Variants in PRKAR1B observed in about 807,000 individuals in gnomAD.
The protein encoded by PRKAR1B is protein kinase cAMP-dependent type I regulatory subunit beta.
Under a neutral mutation model 46.5 loss-of-function variants are expected in PRKAR1B, and 22 were observed. The observed-to-expected ratio is 0.47, with a 90% CI of 0.34 to 0.68. The LOEUF is 0.68. PRKAR1B is among the 30% of genes least tolerant of loss of function. The pLI is 0.01. For missense variants in PRKAR1B, 445 were observed against 535.6 expected (o/e 0.83, Z 1.67); for synonymous variants, 259 against 217.7 (o/e 1.19, Z -1.67).
chr7:589,248 G>A (rs1297679845), intron 7 of PRKAR1B, among the ~76,000 whole-genome samples: 2 of 151,642 alleles, frequency 1.3e-5, no homozygotes, highest in African/African-American at 4.9e-5. Context: ...CTCTGGCCTG[G>A]GCTCCTTCTC....
In PRKAR1B at chr7:561,604, G is replaced by A. The variant is rs1044601614; in HGVS notation, c.892-10134C>T. Among the ~76,000 whole-genome samples, 34 of 152,166 alleles carry A rather than the reference G, an allele frequency of 2.2e-4. 1 individual carries two copies. The highest frequency in any genetic ancestry group is 7.4e-5 in the Non-Finnish European group (5 of 68,022). ...AGCCACTTCCCCGCAATCATCCCCT[G>A]CCCGCTCCTCAGGCCCGGCTGGCCG... On this transcript the variant is annotated intron_variant, in intron 9 of 10. Coordinates refer to ENST00000537384, the MANE Select transcript of PRKAR1B (RefSeq NM_001164760.2).
chr7:580,249 A>G (rs1238335238), intron 8 of PRKAR1B, among the ~76,000 whole-genome samples: 2 of 150,994 alleles, frequency 1.3e-5, no homozygotes, highest in African/African-American at 4.9e-5. Context: ...AAAAAAAAGA[A>G]AAAAGAAAAA....
intron 4 of PRKAR1B, among the ~76,000 whole-genome samples, chr7:638,869 G>A (rs1784256068): frequency 6.6e-6 from 1 of 151,966 alleles, no homozygotes; most frequent in African/African-American, 2.4e-5. Flanking sequence ...TTGAGGTCAG[G>A]AGTTCGAGAC....
intron 4 of PRKAR1B, among the ~76,000 whole-genome samples, chr7:675,510 T>C (rs1356669007): frequency 6.6e-6 from 1 of 152,260 alleles, no homozygotes; most frequent in Admixed American, 6.5e-5. Flanking sequence ...TAAAGAATTA[T>C]AATTTGTCAA....
At chr7:715,390 G>A (rs1236364405) in intron 1 of PRKAR1B, among the ~76,000 whole-genome samples, 2 of 152,008 alleles carry the variant, frequency 1.3e-5, no homozygotes, top group African/African-American at 2.4e-5. Context: ...CTTGGTCATC[G>A]GACCACGTGG....
In PRKAR1B at chr7:684,802, T is replaced by C. The variant is rs146972214; in HGVS notation, c.178-4076A>G. The stretch of plus-strand genomic sequence containing the variant: ...GAGTAATACAATGAATCACCAAACG[T>C]CCATCACCCACCCTCAACCATTATC... On this transcript the variant is annotated intron_variant, in intron 2 of 10. Coordinates refer to ENST00000537384, the MANE Select transcript of PRKAR1B (RefSeq NM_001164760.2). Among the ~76,000 whole-genome samples, 532 of 151,970 alleles carry C rather than the reference T, an allele frequency of 3.5e-3. 6 individuals are homozygous for C. Among genetic ancestry groups the C allele is most frequent in the African/African-American group, 0.012 (515 of 41,416 alleles).
At chr7:678,611 C>T (rs1454392629) in intron 3 of PRKAR1B, among the ~76,000 whole-genome samples, 1 of 152,256 alleles carries the variant, frequency 6.6e-6, no homozygotes, top group East Asian at 1.9e-4. Context: ...TCATTCGGGC[C>T]ACAGTGAGAC....
At chr7:590,887 T>C (rs961201654) in intron 7 of PRKAR1B, among the ~76,000 whole-genome samples, 2 of 151,986 alleles carry the variant, frequency 1.3e-5, no homozygotes, top group East Asian at 3.9e-4. Context: ...CCCAGGCCCG[T>C]CGGCAGCAGA....
At chr7:687,318 A>G (rs537668803) in intron 2 of PRKAR1B, among the ~76,000 whole-genome samples, 3 of 152,370 alleles carry the variant, frequency 2.0e-5, no homozygotes, top group East Asian at 3.9e-4. Flanking sequence ...AATTATGCTC[A>G]GTATGTTCAA....
rs566789869 is a variant in PRKAR1B, at chr7:700,020, T to C, written c.177+11309A>G. On this transcript the variant is annotated intron_variant, in intron 2 of 10. Transcript: ENST00000537384. ...GCAGGGAGAGAAACAGGCATATCTG[T>C]GTGCCAGAGGTAGGATCTCTCTTGC... Among the ~76,000 whole-genome samples the C allele has an allele frequency of 3.3e-5, 5 of 152,206 alleles. No homozygotes were observed. The South Asian group carries it at 6.2e-4, about 19-fold the overall frequency.
In PRKAR1B at chr7:550,135, G is replaced by C. The variant is rs1292135643; in HGVS notation, c.*295C>G. ...ATCTCCAGGAGACTGGCAGGGGTGG[G>C]GTGGGCCCCCCAGGAGAAGCCCACA... is the stretch of plus-strand genomic sequence containing the variant. On this transcript the variant is annotated 3_prime_UTR_variant, in exon 11 of 11. Coordinates refer to ENST00000537384, the MANE Select transcript of PRKAR1B (RefSeq NM_001164760.2). 5.0e-6 allele frequency: 2 copies of C among 403,802 alleles called. No homozygotes were observed. The highest frequency in any genetic ancestry group is 5.7e-5 in the East Asian group (1 of 17,504). 25.0% of individuals were successfully genotyped at this position (403,802 alleles called of 1,614,324 possible).
At chr7:594,808 G>C (rs926055681) in intron 7 of PRKAR1B, among the ~76,000 whole-genome samples, 1 of 151,882 alleles carries the variant, frequency 6.6e-6, no homozygotes, top group Non-Finnish European at 1.5e-5. Context: ...GGGACCCCAA[G>C]ACCATGAGGG....
At chr7:680,496 A>T (rs1778608368) in intron 3 of PRKAR1B, 60 bp downstream of exon 3, 1 of 1,497,396 alleles carries the variant, frequency 6.7e-7, no homozygotes, top group Non-Finnish European at 8.9e-7. Flanking sequence ...CAGGGAGCTC[A>T]CAGGTGACAG....
intron 9 of PRKAR1B, among the ~76,000 whole-genome samples, chr7:573,925 G>A (rs377035161): frequency 4.6e-5 from 7 of 152,336 alleles, no homozygotes; most frequent in East Asian, 3.9e-4. Context: ...GAATCCCCCC[G>A]CCGGGGTGCG....
At chr7:699,972 C>A (rs905342180) in intron 2 of PRKAR1B, among the ~76,000 whole-genome samples, 1 of 152,072 alleles carries the variant, frequency 6.6e-6, no homozygotes, top group Non-Finnish European at 1.5e-5. Context: ...GAGGGGACAG[C>A]GGCGTGGGCG....
intron 4 of PRKAR1B, among the ~76,000 whole-genome samples, chr7:614,710 G>A (rs571029135): frequency 3.6e-4 from 55 of 152,242 alleles, no homozygotes; most frequent in African/African-American, 1.3e-3. Context: ...TCAGGAGTTC[G>A]AGACCAGCCT....
chr7:655,184 C>T (rs1250269627), intron 4 of PRKAR1B, among the ~76,000 whole-genome samples: 1 of 152,220 alleles, frequency 6.6e-6, no homozygotes, highest in Non-Finnish European at 1.5e-5. Flanking sequence ...AGCCGACATG[C>T]TATGCCTTCT....
intron 9 of PRKAR1B, among the ~76,000 whole-genome samples, chr7:558,328 GAAAAAAA>G (rs997641029): frequency 8.5e-5 from 6 of 70,234 alleles, no homozygotes; most frequent in Non-Finnish European, 1.3e-4. Flanking sequence ...CCTGTCTCAG[GAAAAAAA>G]AAAAAAAAAA....
Position 596,058 on chromosome 7 carries a change from C to T in PRKAR1B, c.708+88G>A, listed in dbSNP as rs1018276535. Reference sequence around the variant, plus strand: ...GTTGGAAGTGTCTTTTCTCCAGGTGCATCCCCACCTTGAATAGAGCTAGGG... The same window carrying T: ...GTTGGAAGTGTCTTTTCTCCAGGTGTATCCCCACCTTGAATAGAGCTAGGG... On this transcript the variant is annotated intron_variant, in intron 7 of 10. Coordinates refer to ENST00000537384, the MANE Select transcript of PRKAR1B (RefSeq NM_001164760.2). 11 of 1,491,222 alleles carry T rather than the reference C, an allele frequency of 7.4e-6. No homozygotes were observed. The East Asian group carries it at 1.8e-4, about 25-fold the overall frequency. 92.4% of individuals were successfully genotyped at this position (1,491,222 alleles called of 1,614,324 possible).
Sources: allele counts gnomAD v4.1 joint callset (sites outside exome capture counted in the v4.1 genomes callset), GRCh38; gene constraint gnomAD v4.1.1; transcripts MANE v1.5; gene names NCBI Gene and HGNC (gene_info 2026-07-23, HGNC 2026-07-21).